The following C5orf58 variants were observed in gnomAD, a reference collection of about 807,000 sequenced individuals.
The protein encoded by C5orf58 is putative uncharacterized protein C5orf58.
Under a neutral mutation model 2.9 loss-of-function variants are expected in C5orf58, and 2 were observed. The ratio of observed to expected loss-of-function variants is 0.69; its 90% CI spans 0.28 to 2.18. The LOEUF is 2.18. Among genes scored for constraint, C5orf58 ranks in the 30% most tolerant of loss-of-function variants. The probability of loss-of-function intolerance (pLI) is 0.13; values close to 1 mark genes in which losing one functional copy is unlikely to be tolerated. For missense variants in C5orf58, 96 were observed against 91.7 expected, an observed-to-expected ratio of 1.05 and a Z score of -0.19; for synonymous variants, 37 against 33.4, an observed-to-expected ratio of 1.11 and a Z score of -0.37.
intron 3 of C5orf58, among the ~76,000 whole-genome samples, chr5:170,238,119 C>T (rs1475110819): frequency 1.3e-5 from 2 of 151,890 alleles, no homozygotes; most frequent in African/African-American, 4.8e-5. Flanking sequence ...TAAATATGGG[C>T]AACTAAGGCA....
chr5:170,245,894 T>C, intron 3 of C5orf58, 68 bp from the exon 4 acceptor site: 1 of 1,456,182 alleles, frequency 6.9e-7, no homozygotes, highest in Non-Finnish European at 9.4e-7. Flanking sequence ...AAATAGCTAC[T>C]TAAAGCAATA....
downstream of C5orf58, chr5:170,247,721 CA>C (rs1761330027): frequency 1.3e-5 from 2 of 152,110 alleles, no homozygotes; most frequent in Non-Finnish European, 1.5e-5. Context: ...GCAGAGCTGT[CA>C]GGGGGATAAC....
rs191396022 is a variant in C5orf58 at position 170,232,988 on chromosome 5, C to T, written c.-104C>T. On this transcript the variant is annotated 5_prime_UTR_variant, in exon 1 of 4. Transcript: ENST00000593851. Reference sequence around the variant, plus strand: ...CGTCGGCTCCCTGCTCCTGTCAGAACCTCGGTGACGGTTGGCCAGGTGGGT... The same window carrying T: ...CGTCGGCTCCCTGCTCCTGTCAGAATCTCGGTGACGGTTGGCCAGGTGGGT... The T allele has an allele frequency of 4.1e-6, 4 of 985,368 alleles. No homozygotes were observed. In the East Asian group the frequency reaches 3.4e-4, roughly 84 times the overall value. 61.0% of individuals were successfully genotyped at this position (985,368 alleles called of 1,614,324 possible). A position where few individuals can be genotyped will look rare whatever the true frequency, so the allele number is the denominator to read the frequency against.
intron 3 of C5orf58, among the ~76,000 whole-genome samples, chr5:170,236,059 C>CA (rs1486739074): frequency 6.6e-6 from 1 of 152,104 alleles, no homozygotes; most frequent in Non-Finnish European, 1.5e-5. Context: ...CCCTCCAGCA[C>CA]AGTTCCCTTT....
downstream of C5orf58, chr5:170,246,364 G>A (rs116369439): frequency 1.5e-3 from 413 of 281,116 alleles, 5 homozygotes; most frequent in African/African-American, 8.0e-3. Flanking sequence ...TTTGGCTCAG[G>A]TTGAAAGAGA....
intron 3 of C5orf58, among the ~76,000 whole-genome samples, chr5:170,244,811 T>C (rs533056405): frequency 0.017 from 2,517 of 152,288 alleles, 70 homozygotes; most frequent in African/African-American, 0.058. Flanking sequence ...AGCTTTGTTC[T>C]GTTGCTGGTG....
downstream of C5orf58, among the ~76,000 whole-genome samples, chr5:170,249,420 A>T (rs1158707087): frequency 6.6e-6 from 1 of 151,352 alleles, no homozygotes; most frequent in Non-Finnish European, 1.5e-5. Context: ...TTTGAAATGC[A>T]TATATTTTTA....
In C5orf58 at chr5:170,246,069, A is replaced by G. The variant is rs1367734653; in HGVS notation, c.202A>G (p.Lys68Glu). The change falls in exon 4 of 4, where the codon AAA becomes GAA. Residue 68 changes from lysine (K) to glutamate (E), a missense_variant. Physicochemically the swap from Lys to Glu is moderately conservative, Grantham distance 56. Transcript: ENST00000593851. Reference protein sequence around the residue: ...ERNNPLFEESKISDVSLVSNS... With the variant: ...ERNNPLFEESEISDVSLVSNS... ...AAACAACCCCCTCTTTGAAGAGTCT[A>G]AAATATCAGATGTATCCCTTGTTTC... 5 of 1,613,472 alleles carry G rather than the reference A, an allele frequency of 3.1e-6. No homozygotes were observed. The highest frequency in any genetic ancestry group is 2.2e-5 in the South Asian group (2 of 91,078).
At chr5:170,235,093 G>A in intron 3 of C5orf58, 23 bp downstream of exon 3, 1 of 1,162,428 alleles carries the variant, frequency 8.6e-7, no homozygotes, top group African/African-American at 1.5e-5. Flanking sequence ...TCACTAAAAT[G>A]TTTGCATGTC....
intron 3 of C5orf58, among the ~76,000 whole-genome samples, chr5:170,245,337 C>T (rs1447706720): frequency 6.6e-6 from 1 of 152,226 alleles, no homozygotes; most frequent in Non-Finnish European, 1.5e-5. Context: ...TTTACCTAAT[C>T]AAGCCTGGGC....
At chr5:170,238,718 C>G (rs758660419) in intron 3 of C5orf58, among the ~76,000 whole-genome samples, 4 of 152,204 alleles carry the variant, frequency 2.6e-5, no homozygotes, top group Non-Finnish European at 4.4e-5. Context: ...TGAAAGTTCT[C>G]ATATGACTCC....
chr5:170,235,101 G>T, intron 3 of C5orf58, 31 bp downstream of exon 3: 1 of 1,122,000 alleles, frequency 8.9e-7, no homozygotes, highest in East Asian at 2.6e-5. Flanking sequence ...ATGTTTGCAT[G>T]TCATTGTTAT....
intron 2 of C5orf58, chr5:170,251,378 G>C (rs1397825402): frequency 4.7e-6 from 1 of 214,836 alleles, no homozygotes. Context: ...TCCTTCATCA[G>C]ACCCTTGAGC....
intron 3 of C5orf58, among the ~76,000 whole-genome samples, chr5:170,244,168 C>G (rs1340002264): frequency 6.0e-5 from 9 of 149,324 alleles, no homozygotes; most frequent in East Asian, 2.0e-4. Flanking sequence ...TGATGGGCTT[C>G]CCTTTGAGGG....
In C5orf58 at chr5:170,252,105, C is replaced by T. The variant is rs564402058; in HGVS notation, c.*450C>T. The T allele has an allele frequency of 4.8e-5, 10 of 207,664 alleles. No homozygotes were observed. The South Asian group carries it at 5.5e-4, about 11-fold the overall frequency. 12.9% of individuals were successfully genotyped at this position (207,664 alleles called of 1,614,324 possible). A position where few individuals can be genotyped will look rare whatever the true frequency, so the allele number is the denominator to read the frequency against. On this transcript the variant is annotated 3_prime_UTR_variant, in exon 3 of 3. Transcript: ENST00000517575. Reference sequence around the variant, plus strand: ...TGTTAAGAGGAAGATAGAACTGGTACGATGTTGGAACTTTGAAAGAGAGTC... The same window carrying T: ...TGTTAAGAGGAAGATAGAACTGGTATGATGTTGGAACTTTGAAAGAGAGTC...
rs759491801 is a variant in C5orf58, at chr5:170,245,975, A to G, written c.108A>G (p.Leu36=). 6.8e-6 allele frequency: 11 copies of G among 1,613,190 alleles called. No homozygotes were observed. In the Admixed American group the frequency reaches 1.5e-4, roughly 22 times the overall value. ...TGTTTTGCACAGAGCTCTCCCAGTT[A>G]TTGCTTTGTGACCTTATCCTACATT... ...ELKKIKELSQ[L]LLCDLILHFN... Residue 36 remains leucine (L), a synonymous_variant, in exon 4 of 4, where the codon TTA becomes TTG. Coordinates refer to ENST00000593851, the MANE Select transcript of C5orf58 (RefSeq NM_001102609.3).
At chr5:170,233,123 G>A (rs908187084) in intron 1 of C5orf58, 116 bp downstream of exon 1, 3 of 329,282 alleles carry the variant, frequency 9.1e-6, no homozygotes, top group South Asian at 1.2e-4. Context: ...ACGGGTGGGC[G>A]GTGGGCCGGG....
chr5:170,235,863 A>T (rs542947701), intron 3 of C5orf58, among the ~76,000 whole-genome samples: 21 of 152,212 alleles, frequency 1.4e-4, no homozygotes, highest in Non-Finnish European at 2.6e-4. Flanking sequence ...TACAATAAGG[A>T]AAAACAAGAA....
At chr5:170,248,616 G>A, downstream of C5orf58, 1 of 1,502,046 alleles carries the variant, frequency 6.7e-7, no homozygotes, top group Non-Finnish European at 9.2e-7. Context: ...AGTCCTAAGT[G>A]TTTGTCCATT....
Sources: allele counts gnomAD v4.1 joint callset (sites outside exome capture counted in the v4.1 genomes callset), GRCh38; gene constraint gnomAD v4.1.1; transcripts MANE v1.5; gene names NCBI Gene and HGNC (gene_info 2026-07-23, HGNC 2026-07-21).